Variants in SUSD1 observed in about 807,000 individuals in gnomAD.
The protein encoded by SUSD1 is sushi domain containing 1.
A neutral mutation model predicts 86.9 loss-of-function variants in SUSD1; 65 were observed. The observed-to-expected ratio is 0.75, with a 90% CI of 0.61 to 0.92. SUSD1 has a LOEUF of 0.92. SUSD1 is among the 40% of genes least tolerant of loss of function. The pLI, the probability that SUSD1 is intolerant of heterozygous loss-of-function variation, is 0.00. For missense variants in SUSD1, 850 were observed against 929.7 expected (o/e 0.91, Z 1.11); for synonymous variants, 346 against 350.0 (o/e 0.99, Z 0.13).
At chr9:112,057,008 T>C (rs1046744270) in intron 14 of SUSD1, among the ~76,000 whole-genome samples, 1 of 152,152 alleles carries the variant, frequency 6.6e-6, no homozygotes, top group Admixed American at 6.5e-5. Context: ...ACCTACAATG[T>C]GATGGTATTT....
At chr9:112,155,576 G>A (rs1235544905) in intron 2 of SUSD1, among the ~76,000 whole-genome samples, 2 of 152,138 alleles carry the variant, frequency 1.3e-5, no homozygotes, top group Admixed American at 6.6e-5. Flanking sequence ...ACAAGACTCA[G>A]TGGGGATTTT....
At chr9:112,085,578 A>G (rs147069270) in intron 10 of SUSD1, among the ~76,000 whole-genome samples, 1 of 152,350 alleles carries the variant, frequency 6.6e-6, no homozygotes, top group Admixed American at 6.5e-5. Context: ...ACTACTACCT[A>G]TACTTCCTGT....
intron 5 of SUSD1, among the ~76,000 whole-genome samples, chr9:112,141,716 C>T (rs1431102706): frequency 2.1e-5 from 3 of 143,906 alleles, no homozygotes; most frequent in East Asian, 4.0e-4. Context: ...TAATATATTA[C>T]ATGTAATGTA....
chr9:112,103,958 A>G (rs1830728998), intron 8 of SUSD1, among the ~76,000 whole-genome samples: 1 of 152,186 alleles, frequency 6.6e-6, no homozygotes, highest in Admixed American at 6.5e-5. Context: ...CAAACTGCAC[A>G]TCAGAATCAC....
intron 12 of SUSD1, among the ~76,000 whole-genome samples, chr9:112,064,651 G>A (rs12380055): frequency 0.067 from 10,145 of 151,460 alleles, 409 homozygotes; most frequent in Admixed American, 0.098. Flanking sequence ...CAAGGCAGGC[G>A]GATCACCGGA....
At chr9:112,056,573 A>G (rs1280155548) in intron 14 of SUSD1, among the ~76,000 whole-genome samples, 1 of 152,244 alleles carries the variant, frequency 6.6e-6, no homozygotes, top group Non-Finnish European at 1.5e-5. Context: ...TTAAATATGT[A>G]GATCCAAATA....
intron 1 of SUSD1, among the ~76,000 whole-genome samples, chr9:112,169,732 T>C (rs1213806230): frequency 6.7e-6 from 1 of 148,220 alleles, no homozygotes; most frequent in East Asian, 2.0e-4. Context: ...TGGAGTACAA[T>C]AGCATGATCT....
intron 14 of SUSD1, among the ~76,000 whole-genome samples, chr9:112,054,714 T>C (rs1023428292): frequency 6.6e-6 from 1 of 152,008 alleles, no homozygotes; most frequent in Admixed American, 6.6e-5. Context: ...AAAACCTAAA[T>C]ATAAGACCTC....
intron 15 of SUSD1, 55 bp downstream of exon 15, chr9:112,052,343 CT>C (rs1461721861): frequency 6.2e-7 from 1 of 1,613,282 alleles, no homozygotes; most frequent in Non-Finnish European, 8.5e-7. Flanking sequence ...TCAATATGAA[CT>C]TGATGCTGCA....
Position 112,147,508 on chromosome 9 carries a change from C to T in SUSD1, c.373+1736G>A, listed in dbSNP as rs189693423. Among the ~76,000 whole-genome samples, 698 of 152,136 alleles carry T rather than the reference C, an allele frequency of 4.6e-3. 4 individuals carry two copies. The highest frequency in any genetic ancestry group is 0.016 in the African/African-American group (646 of 41,482). ...CTCCAGCCTGGGTCACAGTGGCTCA[C>T]GCCTGTAATCCTAGCACTTTGGGAG... On this transcript the variant is annotated intron_variant, in intron 3 of 16. Transcript: ENST00000374270.
chr9:112,167,212 T>C (rs1469112776), intron 1 of SUSD1, among the ~76,000 whole-genome samples: 1 of 152,028 alleles, frequency 6.6e-6, no homozygotes, highest in Non-Finnish European at 1.5e-5. Flanking sequence ...GTCTCCCACC[T>C]CAGCCTCCCA....
At chr9:112,139,851 G>GA (rs1416796978) in intron 5 of SUSD1, among the ~76,000 whole-genome samples, 2 of 151,758 alleles carry the variant, frequency 1.3e-5, no homozygotes, top group African/African-American at 4.8e-5. Flanking sequence ...CCAAAAACTA[G>GA]AAAAATGGTA....
chr9:112,154,038 T>A (rs1833182649), intron 2 of SUSD1, among the ~76,000 whole-genome samples: 1 of 152,114 alleles, frequency 6.6e-6, no homozygotes. Flanking sequence ...AGCTACGACA[T>A]CTCTAGGTGA....
chr9:112,066,116 G>A (rs920268750), intron 12 of SUSD1, among the ~76,000 whole-genome samples: 4 of 152,208 alleles, frequency 2.6e-5, no homozygotes, highest in African/African-American at 9.6e-5. Context: ...TGACTCCAAA[G>A]TCTCCTTCGC....
In SUSD1 at chr9:112,160,344, G is replaced by A. The variant is rs1165264850; in HGVS notation, c.104-2731C>T. Reference sequence around the variant, plus strand: ...GGATCACTTGAGGTCAGGAGTTCAAGACCAGCCTGGCCAACGTGGTGAAAC... The same window carrying A: ...GGATCACTTGAGGTCAGGAGTTCAAAACCAGCCTGGCCAACGTGGTGAAAC... On this transcript the variant is annotated intron_variant, in intron 1 of 16. Coordinates refer to ENST00000374270, the MANE Select transcript of SUSD1 (RefSeq NM_022486.5). 6.6e-5 allele frequency among the ~76,000 whole-genome samples: 10 copies of A among 152,060 alleles called. No homozygotes were observed. In the East Asian group the frequency reaches 1.9e-3, roughly 29 times the overall value.
intron 10 of SUSD1, among the ~76,000 whole-genome samples, chr9:112,093,624 G>T (rs903790466): frequency 6.6e-6 from 1 of 152,192 alleles, no homozygotes; most frequent in Non-Finnish European, 1.5e-5. Flanking sequence ...GATCAATAAA[G>T]TTGATCCTCT....
intron 1 of SUSD1, among the ~76,000 whole-genome samples, chr9:112,158,420 T>C (rs1308304417): frequency 6.6e-6 from 1 of 152,128 alleles, no homozygotes; most frequent in African/African-American, 2.4e-5. Context: ...AGGTAGAGTC[T>C]GACTCTGTTG....
chr9:112,131,390 G>A (rs1254928560), intron 5 of SUSD1, among the ~76,000 whole-genome samples: 3 of 152,192 alleles, frequency 2.0e-5, no homozygotes, highest in Non-Finnish European at 4.4e-5. Context: ...CAAGAGAGCT[G>A]CTGGAAATAG....
At chr9:112,096,360 A>G (rs1050515712) in intron 10 of SUSD1, among the ~76,000 whole-genome samples, 1 of 152,168 alleles carries the variant, frequency 6.6e-6, no homozygotes. Flanking sequence ...CCAGTCTCCT[A>G]TACACCAAAG....
Sources: gnomAD v4.1 joint callset for allele counts (sites outside exome capture counted in the v4.1 genomes callset) on GRCh38, gnomAD v4.1.1 for gene constraint, MANE v1.5 for transcripts, NCBI Gene and HGNC (gene_info 2026-07-23, HGNC 2026-07-21) for gene names.